KIF18B: variants seen among roughly 807,000 people sequenced by gnomAD.
KIF18B encodes the protein kinesin-like protein KIF18B.
Under a neutral mutation model 80.9 loss-of-function variants are expected in KIF18B, and 49 were observed. That is an observed-to-expected ratio of 0.61 (90% CI 0.48 to 0.77). The LOEUF is 0.77. Ranked by LOEUF, KIF18B falls within the 30% of genes least tolerant of loss-of-function variation. KIF18B has a pLI of 0.00. For synonymous variants in KIF18B, 439 were observed against 463.9 expected, an observed-to-expected ratio of 0.95 and a Z score of 0.69; for missense variants, 994 against 1,127.7, an observed-to-expected ratio of 0.88 and a Z score of 1.70.
At chr17:44,932,428 A>C in intron 9 of KIF18B, 1 of 601,384 alleles carries the variant, frequency 1.7e-6, no homozygotes, top group South Asian at 2.2e-5. Context: ...AATGACACAC[A>C]CCCCTAAGTT....
chr17:44,946,976 G>A (rs934094231), intron 1 of KIF18B, among the ~76,000 whole-genome samples: 2 of 151,828 alleles, frequency 1.3e-5, no homozygotes, highest in African/African-American at 4.8e-5. Context: ...GAATGTGGTG[G>A]TGGGCGCCTT....
intron 2 of KIF18B, 133 bp from the exon 3 acceptor site, chr17:44,935,549 T>A: frequency 2.2e-6 from 2 of 923,058 alleles, no homozygotes; most frequent in Non-Finnish European, 3.2e-6. Context: ...ACACCCTCCA[T>A]GTTCCCGCTG....
At chr17:44,926,884 G>GACCTCA (rs1486889057) in intron 14 of KIF18B, 105 bp downstream of exon 14, 7 of 959,136 alleles carry the variant, frequency 7.3e-6, no homozygotes, top group African/African-American at 1.6e-5. Context: ...TTGCTCCGGG[G>GACCTCA]GTGTAGAGAC....
Position 44,928,999 on chromosome 17 carries a change from C to A in KIF18B, c.1543G>T (p.Ala515Ser). 6.2e-7 allele frequency: 1 copy of A among 1,614,014 alleles called. No individual in the cohort carries two copies. Among genetic ancestry groups the A allele is most frequent in the South Asian group, 1.1e-5 (1 of 91,088 alleles). Residue 515 changes from alanine (A) to serine (S), a missense_variant, in exon 12 of 16, where the codon GCC becomes TCC. Transcript: ENST00000593135. Reference protein sequence around the residue: ...KQLALKVLCVAQRQYSLLQAA... With the variant: ...KQLALKVLCVSQRQYSLLQAA... ...TGGAGCAGGGAGTACTGCCGCTGGG[C>A]AACGCACAGCACCTTTAGGGCCAAC... is the stretch of plus-strand genomic sequence containing the variant.
rs369981350 is a variant in KIF18B at position 44,928,856 on chromosome 17, C to A, written c.1686G>T (p.Arg562Ser). 5 of 1,613,740 alleles carry A rather than the reference C, an allele frequency of 3.1e-6. No homozygotes were observed. The African/African-American group carries it at 4.0e-5, about 13-fold the overall frequency. ...AEALRTSGLA[R>S]GAPLAQELCS... ...ACAGCTCCTGAGCCAGAGGTGCCCC[C>A]CTGGCCAGGCCTGAAGTCCTCAAGG... is the stretch of plus-strand genomic sequence containing the variant. Residue 562 changes from arginine (R) to serine (S), a missense_variant, in exon 12 of 16, where the codon AGG (arginine) becomes AGT (serine). Transcript: ENST00000593135.
At chr17:44,938,206 G>C (rs930837771) in intron 1 of KIF18B, among the ~76,000 whole-genome samples, 1 of 152,156 alleles carries the variant, frequency 6.6e-6, no homozygotes, top group African/African-American at 2.4e-5. Context: ...AGTAGAGACG[G>C]GGTTTTGCCA....
chr17:44,932,433 T>C, intron 9 of KIF18B: 2 of 598,178 alleles, frequency 3.3e-6, no homozygotes, highest in Non-Finnish European at 5.9e-6. Flanking sequence ...CACACACCCC[T>C]AAGTTCACCT....
At position 44,926,015 on chromosome 17, in the gene KIF18B, A is replaced by C; in HGVS notation, c.*65T>G. 1.3e-6 allele frequency: 2 copies of C among 1,579,136 alleles called. No homozygotes were observed. Among genetic ancestry groups the C allele is most frequent in the South Asian group, 1.1e-5 (1 of 90,048 alleles). On this transcript the variant is annotated 3_prime_UTR_variant, in exon 16 of 16. Coordinates refer to ENST00000593135, the MANE Select transcript of KIF18B (RefSeq NM_001265577.2). ...TCCTGGTGCAGGTGGCTACAGGTCC[A>C]AGAGGGGTATCCAGCAGAGGGGCCG...
Position 44,931,597 on chromosome 17 carries a change from C to A in KIF18B, c.1517+5G>T. Reference sequence around the variant, plus strand: ...GATTCCAGAATACAGCAAGAAGATACCTACTGCTTAGAACGGTCCCCATCC... The same window carrying A: ...GATTCCAGAATACAGCAAGAAGATAACTACTGCTTAGAACGGTCCCCATCC... On this transcript the variant is annotated splice_donor_5th_base_variant and intron_variant, in intron 11 of 15. Coordinates refer to ENST00000593135, the MANE Select transcript of KIF18B (RefSeq NM_001265577.2). 3 of 1,613,978 alleles carry A rather than the reference C, an allele frequency of 1.9e-6. No individual in the cohort carries two copies. In the East Asian group the frequency reaches 6.7e-5, roughly 36 times the overall value.
At position 44,928,294 on chromosome 17, in the gene KIF18B, G is replaced by T. The variant is rs971873138; in HGVS notation, c.2008C>A (p.Gln670Lys). 3.1e-6 allele frequency: 5 copies of T among 1,613,266 alleles called. No individual in the cohort carries two copies. Among genetic ancestry groups the T allele is most frequent in the Middle Eastern group, 1.6e-4 (1 of 6,084 alleles). Residue 670 changes from glutamine (Q) to lysine (K), a missense_variant, in exon 13 of 16, where the codon CAG becomes AAG. Coordinates refer to ENST00000593135, the MANE Select transcript of KIF18B (RefSeq NM_001265577.2). The stretch of plus-strand genomic sequence containing the variant: ...TCTCCTTTGGGGGTGCTGGGCCCCT[G>T]TGAAGGTTGGGTGTCAGGCAGAGAC... ...RGSLPDTQPSQGPSTPKGERA... is the reference protein window; with the variant it reads ...RGSLPDTQPSKGPSTPKGERA...
intron 8 of KIF18B, 55 bp downstream of exon 8, chr17:44,932,857 A>G: frequency 6.3e-7 from 1 of 1,584,250 alleles, no homozygotes; most frequent in Non-Finnish European, 8.6e-7. Flanking sequence ...CACACCCTCA[A>G]GCTCCTGCCT....
Position 44,927,914 on chromosome 17 carries a change from A to G in KIF18B, c.2276+112T>C. ...GGATCACAACCAAAGTGGAACAGAT[A>G]GGAACCGTCCCAGCTCCAAGGCTGT... is the stretch of plus-strand genomic sequence containing the variant. On this transcript the variant is annotated intron_variant, in intron 13 of 15. Coordinates refer to ENST00000593135, the MANE Select transcript of KIF18B (RefSeq NM_001265577.2). The surrounding 1 kb of genome is among the most constrained non-coding windows in gnomAD (Gnocchi z 4.1). 1 of 974,554 alleles carries G rather than the reference A, an allele frequency of 1.0e-6. No homozygotes were observed. The highest frequency in any genetic ancestry group is 3.3e-5 in the Admixed American group (1 of 29,852). 60.4% of individuals were successfully genotyped at this position (974,554 alleles called of 1,614,324 possible). A position where few individuals can be genotyped will look rare whatever the true frequency, so the allele number is the denominator to read the frequency against.
intron 1 of KIF18B, among the ~76,000 whole-genome samples, chr17:44,945,121 G>A (rs745884030): frequency 3.9e-5 from 6 of 152,122 alleles, no homozygotes; most frequent in Admixed American, 1.3e-4. Flanking sequence ...GTGCAGTGGC[G>A]CGATCATGGG....
chr17:44,928,566 G>A lies in KIF18B; in HGVS notation c.1736C>T (p.Ser579Phe). 6.9e-7 allele frequency: 1 copy of A among 1,451,468 alleles called. No individual in the cohort carries two copies. The highest frequency in any genetic ancestry group is 9.0e-7 in the Non-Finnish European group (1 of 1,109,184). The allele number at this position is 1,451,468 out of a possible 1,614,324, so 89.9% of individuals were successfully genotyped here. A position where few individuals can be genotyped will look rare whatever the true frequency, so the allele number is the denominator to read the frequency against. Residue 579 changes from serine (S) to phenylalanine (F), a missense_variant, in exon 13 of 16, where the codon TCT becomes TTT. Ser to Phe is a radical substitution (Grantham distance 155, BLOSUM62 -2). Coordinates refer to ENST00000593135, the MANE Select transcript of KIF18B (RefSeq NM_001265577.2). Reference protein sequence around the residue: ...ELCSESIPVPSPLCPEPPGYT... With the variant: ...ELCSESIPVPFPLCPEPPGYT... ...TCCTGGAGGCTCTGGGCAGAGAGGA[G>A]ACGGCACAGGGACTGCACAGAAGGA...
At chr17:44,929,492 C>T (rs2052103092) in intron 11 of KIF18B, among the ~76,000 whole-genome samples, 1 of 152,166 alleles carries the variant, frequency 6.6e-6, no homozygotes, top group South Asian at 2.1e-4. Flanking sequence ...CCAATACCTC[C>T]CAGCTGTGTG....
intron 14 of KIF18B, 110 bp from the exon 15 acceptor site, chr17:44,926,609 G>T (rs1442076669): frequency 9.9e-6 from 11 of 1,108,400 alleles, no homozygotes; most frequent in African/African-American, 1.6e-5. Flanking sequence ...GAGAGCAAAG[G>T]CTGCTGGGCA....
In KIF18B at chr17:44,927,526, G is replaced by A. The variant is rs923863650; in HGVS notation, c.2277-448C>T. Among the ~76,000 whole-genome samples, 3 of 152,226 alleles carry A rather than the reference G, an allele frequency of 2.0e-5. No individual in the cohort carries two copies. The highest frequency in any genetic ancestry group is 4.4e-5 in the Non-Finnish European group (3 of 68,040). ...TGCCATGTGTGTGGAAAGGGGGAGT[G>A]ACAGCTTCGTCTTCTCACTGGAAAA... On this transcript the variant is annotated intron_variant, in intron 13 of 15. Coordinates refer to ENST00000593135, the MANE Select transcript of KIF18B (RefSeq NM_001265577.2). The surrounding 1 kb of genome is among the most constrained non-coding windows in gnomAD (Gnocchi z 4.1).
chr17:44,945,162 A>C (rs1009530055), intron 1 of KIF18B, among the ~76,000 whole-genome samples: 2 of 152,158 alleles, frequency 1.3e-5, no homozygotes, highest in Non-Finnish European at 2.9e-5. Flanking sequence ...TAAGGCTCAA[A>C]AGATCCTCCC....
intron 1 of KIF18B, among the ~76,000 whole-genome samples, chr17:44,946,472 A>C (rs2052514410): frequency 6.6e-6 from 1 of 152,236 alleles, no homozygotes; most frequent in Non-Finnish European, 1.5e-5. Context: ...GTTCTCCTCT[A>C]AACTAGGCTT....
Sources: gnomAD v4.1 joint callset for allele counts (sites outside exome capture counted in the v4.1 genomes callset) on GRCh38, gnomAD v4.1.1 for gene constraint, Gnocchi (gnomAD v3.1) non-coding constraint, MANE v1.5 for transcripts, NCBI Gene and HGNC (gene_info 2026-07-23, HGNC 2026-07-21) for gene names.